PTCHD4: variants seen among roughly 807,000 people sequenced by gnomAD.
PTCHD4 encodes the protein patched domain containing 4.
PTCHD4 carries 33 observed loss-of-function variants against 58.1 expected under a neutral mutation model. The observed-to-expected ratio is 0.57, with a 90% CI of 0.43 to 0.76. The LOEUF is 0.76. PTCHD4 is among the 30% of genes least tolerant of loss of function. The pLI is 0.00. For missense variants in PTCHD4, 1,058 were observed against 1,027.1 expected (o/e 1.03, Z -0.41); for synonymous variants, 478 against 409.6 (o/e 1.17, Z -2.02).
intron 4 of PTCHD4, among the ~76,000 whole-genome samples, chr6:48,007,861 C>G (rs557051488): frequency 1.1e-3 from 175 of 152,258 alleles, no homozygotes; most frequent in Non-Finnish European, 1.9e-3. Context: ...TAAGACACAT[C>G]AGTCTTGTTG....
chr6:48,095,393 A>G (rs1273860692), intron 1 of PTCHD4, among the ~76,000 whole-genome samples: 1 of 152,186 alleles, frequency 6.6e-6, no homozygotes, highest in Non-Finnish European at 1.5e-5. Context: ...CTTTTAAAAA[A>G]GAAATATAGG....
At chr6:47,992,882 A>C (rs756094402) in intron 4 of PTCHD4, among the ~76,000 whole-genome samples, 1 of 152,340 alleles carries the variant, frequency 6.6e-6, no homozygotes, top group Non-Finnish European at 1.5e-5. Flanking sequence ...GTCAACCTTG[A>C]AAATGAAAAA....
At chr6:48,019,630 G>A (rs1458509089) in intron 3 of PTCHD4, among the ~76,000 whole-genome samples, 6 of 152,004 alleles carry the variant, frequency 3.9e-5, no homozygotes, top group Admixed American at 3.9e-4. Context: ...CAGCTACTCG[G>A]GAGGCTGAGG....
At chr6:47,898,706 C>T (rs999976090) in intron 4 of PTCHD4, among the ~76,000 whole-genome samples, 3 of 152,114 alleles carry the variant, frequency 2.0e-5, no homozygotes, top group South Asian at 2.1e-4. Flanking sequence ...TTGATGTAGA[C>T]GACTTCTATT....
intron 4 of PTCHD4, among the ~76,000 whole-genome samples, chr6:47,940,553 A>AT: frequency 6.6e-6 from 1 of 152,338 alleles, no homozygotes; most frequent in Admixed American, 6.5e-5. Flanking sequence ...TTTCTAGGTC[A>AT]TTGTACTGCA....
chr6:47,975,537 G>T (rs930707367), intron 4 of PTCHD4, among the ~76,000 whole-genome samples: 2 of 152,132 alleles, frequency 1.3e-5, no homozygotes, highest in African/African-American at 4.8e-5. Context: ...TTTTCAACTA[G>T]AAGTTTGCTA....
chr6:47,898,658 G>A lies in PTCHD4; in HGVS notation c.899-18722C>T, dbSNP rs113756726. Among the ~76,000 whole-genome samples, 998 of 152,284 alleles carry A rather than the reference G, an allele frequency of 6.6e-3. 10 individuals are homozygous for A. Among genetic ancestry groups the A allele is most frequent in the African/African-American group, 0.023 (950 of 41,556 alleles). ...CAGCAATGAGTTGATCAGTTTGCTT[G>A]TGGTAAACTAGATAGGAGGATACTT... On this transcript the variant is annotated intron_variant, in intron 4 of 4. Transcript: ENST00000339488.
intron 3 of PTCHD4, among the ~76,000 whole-genome samples, chr6:48,055,223 T>C (rs767819503): frequency 1.3e-5 from 2 of 152,166 alleles, no homozygotes; most frequent in African/African-American, 2.4e-5. Flanking sequence ...TGGATGCTTA[T>C]AAGTTTATGA....
At chr6:48,097,068 T>C (rs1765486001) in intron 1 of PTCHD4, among the ~76,000 whole-genome samples, 1 of 152,144 alleles carries the variant, frequency 6.6e-6, no homozygotes, top group Non-Finnish European at 1.5e-5. Flanking sequence ...TTACTTAATT[T>C]AAACATTTAA....
intron 3 of PTCHD4, among the ~76,000 whole-genome samples, chr6:48,061,014 G>T (rs1764608845): frequency 6.6e-6 from 1 of 152,186 alleles, no homozygotes; most frequent in African/African-American, 2.4e-5. Context: ...CCTGTCTGAA[G>T]AAAGCATAGA....
chr6:47,899,507 A>G, intron 4 of PTCHD4: 1 of 807,770 alleles, frequency 1.2e-6, no homozygotes, highest in Non-Finnish European at 1.5e-6. Flanking sequence ...GGGACAGAAA[A>G]TGAGTCTAGT....
At chr6:47,954,243 G>T (rs1766764952) in intron 4 of PTCHD4, among the ~76,000 whole-genome samples, 4 of 152,138 alleles carry the variant, frequency 2.6e-5, no homozygotes, top group Admixed American at 2.6e-4. Flanking sequence ...TGTAATCCCA[G>T]CTACTCTGGA....
At chr6:47,911,128 C>T (rs969909060) in intron 4 of PTCHD4, among the ~76,000 whole-genome samples, 4 of 152,120 alleles carry the variant, frequency 2.6e-5, no homozygotes, top group Non-Finnish European at 4.4e-5. Context: ...AATATATTCC[C>T]AAAGGTTCCT....
intron 4 of PTCHD4, among the ~76,000 whole-genome samples, chr6:47,990,461 G>T (rs917251787): frequency 1.3e-5 from 2 of 152,144 alleles, no homozygotes; most frequent in Non-Finnish European, 2.9e-5. Flanking sequence ...GAGGGACCCG[G>T]TGGGAGACAT....
chr6:48,083,505 C>T (rs1765204565), intron 1 of PTCHD4, among the ~76,000 whole-genome samples: 2 of 152,036 alleles, frequency 1.3e-5, no homozygotes, highest in South Asian at 4.1e-4. Flanking sequence ...TCCTTGTAGC[C>T]TTTGACTATG....
chr6:47,974,536 G>A (rs1767624596), intron 4 of PTCHD4, among the ~76,000 whole-genome samples: 1 of 152,112 alleles, frequency 6.6e-6, no homozygotes, highest in Non-Finnish European at 1.5e-5. Context: ...GCTGTCCTGT[G>A]CATTGTAGTA....
intron 3 of PTCHD4, among the ~76,000 whole-genome samples, chr6:48,028,251 TTCTC>T (rs766450832): frequency 9.1e-4 from 133 of 146,284 alleles, no homozygotes; most frequent in Non-Finnish European, 1.5e-3. Context: ...CCTAGGATGT[TTCTC>T]TTTTGTTTTT....
At chr6:47,987,778 CA>C (rs940166450) in intron 4 of PTCHD4, among the ~76,000 whole-genome samples, 5 of 150,230 alleles carry the variant, frequency 3.3e-5, no homozygotes, top group Non-Finnish European at 5.9e-5. Context: ...AGTCACATAA[CA>C]TTTTTTTTTT....
chr6:47,921,107 C>T (rs1765418903), intron 4 of PTCHD4, among the ~76,000 whole-genome samples: 1 of 152,138 alleles, frequency 6.6e-6, no homozygotes, highest in South Asian at 2.1e-4. Flanking sequence ...ATATTATTGT[C>T]ACTACTCTAA....
Sources: gnomAD v4.1 joint callset for allele counts (sites outside exome capture counted in the v4.1 genomes callset) on GRCh38, gnomAD v4.1.1 for gene constraint, MANE v1.5 for transcripts, NCBI Gene and HGNC (gene_info 2026-07-23, HGNC 2026-07-21) for gene names.